Variants in CDH8 observed in about 807,000 individuals in gnomAD.
The protein encoded by CDH8 is cadherin-8.
CDH8 carries 17 observed loss-of-function variants against 68.1 expected under a neutral mutation model. That is an observed-to-expected ratio of 0.25 (90% CI 0.17 to 0.37). The LOEUF (loss-of-function observed/expected upper bound fraction) is 0.37. Ranked by LOEUF, CDH8 falls within the 10% of genes least tolerant of loss-of-function variation. The pLI is 1.00. For missense variants in CDH8, 763 were observed against 999.3 expected, an observed-to-expected ratio of 0.76 and a Z score of 3.19; for synonymous variants, 372 against 365.1, an observed-to-expected ratio of 1.02 and a Z score of -0.21.
chr16:61,866,283 A>T (rs1597028156), intron 3 of CDH8, among the ~76,000 whole-genome samples: 1 of 152,268 alleles, frequency 6.6e-6, no homozygotes, highest in South Asian at 2.1e-4. Context: ...AATCTATTCA[A>T]TCACACAATG....
intron 8 of CDH8, among the ~76,000 whole-genome samples, chr16:61,770,505 A>G (rs1339823715): frequency 1.3e-5 from 2 of 151,946 alleles, no homozygotes; most frequent in African/African-American, 4.8e-5. Flanking sequence ...CAGTCTCCAG[A>G]TGGACATACA....
chr16:61,911,309 C>A (rs1964158051), intron 2 of CDH8, among the ~76,000 whole-genome samples: 3 of 152,164 alleles, frequency 2.0e-5, no homozygotes, highest in African/African-American at 7.2e-5. Context: ...AAAGCGATTA[C>A]TAACTAAATG....
chr16:61,833,041 A>G (rs763839298), intron 4 of CDH8, among the ~76,000 whole-genome samples: 1 of 151,664 alleles, frequency 6.6e-6, no homozygotes, highest in Non-Finnish European at 1.5e-5. Flanking sequence ...AACTATTACC[A>G]GCCATGTGAT....
At chr16:61,914,438 T>C (rs1283917785) in intron 2 of CDH8, among the ~76,000 whole-genome samples, 1 of 152,198 alleles carries the variant, frequency 6.6e-6, no homozygotes, top group Non-Finnish European at 1.5e-5. Flanking sequence ...TGTAAATATG[T>C]GCTTTACCTG....
At chr16:61,991,315 A>G (rs1218060124) in intron 2 of CDH8, among the ~76,000 whole-genome samples, 1 of 152,166 alleles carries the variant, frequency 6.6e-6, no homozygotes, top group Non-Finnish European at 1.5e-5. Context: ...CTCTGTCTGT[A>G]CTACAGATTT....
At position 61,657,262 on chromosome 16, in the gene CDH8, C is replaced by T. The variant is rs79115690; in HGVS notation, c.1655-1541G>A. On this transcript the variant is annotated intron_variant, in intron 10 of 11. Coordinates refer to ENST00000577390, the MANE Select transcript of CDH8 (RefSeq NM_001796.5). Reference sequence around the variant, plus strand: ...TGGAAAACTACTGTACCATATAGCACTATACTAGGATTTCCAAAAATTGAT... The same window carrying T: ...TGGAAAACTACTGTACCATATAGCATTATACTAGGATTTCCAAAAATTGAT... Among the ~76,000 whole-genome samples, 980 of 152,104 alleles carry T rather than the reference C, an allele frequency of 6.4e-3. 9 individuals carry two copies. Among genetic ancestry groups the T allele is most frequent in the African/African-American group, 0.023 (945 of 41,524 alleles).
In CDH8 at chr16:61,775,430, C is replaced by A. The variant is rs370501516; in HGVS notation, c.1414+13916G>T. On this transcript the variant is annotated intron_variant, in intron 8 of 11. Transcript: ENST00000577390. ...CCTACATACTGAGATTCAGCATCCC[C>A]GTCTGAAGTATATTATTAAAAAGAA... is the stretch of plus-strand genomic sequence containing the variant. Among the ~76,000 whole-genome samples, 26 of 151,874 alleles carry A rather than the reference C, an allele frequency of 1.7e-4. 1 individual carries two copies. Among genetic ancestry groups the A allele is most frequent in the Admixed American group, 1.3e-3 (20 of 15,236 alleles).
chr16:61,978,334 TGCTGAGGGAA>T (rs1965475596), intron 2 of CDH8, among the ~76,000 whole-genome samples: 2 of 152,184 alleles, frequency 1.3e-5, no homozygotes, highest in Non-Finnish European at 2.9e-5. Flanking sequence ...TGACTATGCT[TGCTGAGGGAA>T]GTTACCCATT....
At chr16:61,729,540 A>G (rs1487422623) in intron 8 of CDH8, among the ~76,000 whole-genome samples, 1 of 150,984 alleles carries the variant, frequency 6.6e-6, no homozygotes, top group Non-Finnish European at 1.5e-5. Flanking sequence ...GTCCTATTTC[A>G]CCCAACTGGA....
intron 10 of CDH8, among the ~76,000 whole-genome samples, chr16:61,671,423 C>T (rs1963791905): frequency 6.7e-6 from 1 of 149,318 alleles, no homozygotes; most frequent in Admixed American, 6.7e-5. Context: ...AATTTTCCTG[C>T]ATAATTCCTA....
rs113741379 is a variant in CDH8 at position 61,988,586 on chromosome 16, AAAAC to A, written c.252+32562_252+32565del. Reference sequence around the variant, plus strand: ...AATACCAAAGCAACAGCAACAAACAAAAACAAACAAACAAACAAACAAAAAAAGG... The same window carrying A: ...AATACCAAAGCAACAGCAACAAACAAAAACAAACAAACAAACAAAAAAAGG... On this transcript the variant is annotated intron_variant, in intron 2 of 11. Coordinates refer to ENST00000577390, the MANE Select transcript of CDH8 (RefSeq NM_001796.5). Among the ~76,000 whole-genome samples, 241 of 152,086 alleles carry A rather than the reference AAAAC, an allele frequency of 1.6e-3. 1 individual carries two copies. The highest frequency in any genetic ancestry group is 4.2e-3 in the African/African-American group (173 of 41,396).
In CDH8 at chr16:61,824,556, T is replaced by G. The variant is rs1962287710; in HGVS notation, c.835+456A>C. ...GGCTTTAGCAGGGAAGAGTGGAGTC[T>G]TACTGATGTCCTCCCAGTTGCAGGA... On this transcript the variant is annotated intron_variant, in intron 5 of 11. Transcript: ENST00000577390. Among the ~76,000 whole-genome samples, 4 of 151,850 alleles carry G rather than the reference T, an allele frequency of 2.6e-5. No individual in the cohort carries two copies. In the South Asian group the frequency reaches 8.3e-4, roughly 31 times the overall value.
intron 2 of CDH8, among the ~76,000 whole-genome samples, chr16:61,926,416 G>A (rs1964457962): frequency 6.6e-6 from 1 of 152,222 alleles, no homozygotes; most frequent in South Asian, 2.1e-4. Flanking sequence ...TTTGTAGACA[G>A]TTTTTCTTCC....
chr16:61,781,436 A>C (rs1361579507), intron 8 of CDH8, among the ~76,000 whole-genome samples: 3 of 152,072 alleles, frequency 2.0e-5, no homozygotes, highest in Admixed American at 2.0e-4. Flanking sequence ...CTAAAAAAAA[A>C]ACCAAAACCA....
intron 3 of CDH8, among the ~76,000 whole-genome samples, chr16:61,898,926 C>T (rs986782839): frequency 1.3e-5 from 2 of 151,518 alleles, no homozygotes; most frequent in Non-Finnish European, 2.9e-5. Flanking sequence ...TTTTTTCTAC[C>T]CAAAAGTGAC....
intron 8 of CDH8, among the ~76,000 whole-genome samples, chr16:61,771,490 A>C (rs999761252): frequency 5.9e-5 from 9 of 151,626 alleles, no homozygotes; most frequent in Non-Finnish European, 7.4e-5. Flanking sequence ...AAAAAAAAAA[A>C]AAACTTTTTT....
chr16:61,874,124 C>T (rs1398155201), intron 3 of CDH8, among the ~76,000 whole-genome samples: 2 of 151,966 alleles, frequency 1.3e-5, no homozygotes, highest in East Asian at 1.9e-4. Flanking sequence ...CAACTGCTGG[C>T]TAATATGAGA....
intron 5 of CDH8, among the ~76,000 whole-genome samples, chr16:61,823,265 C>G (rs1214924114): frequency 1.3e-5 from 2 of 151,778 alleles, no homozygotes; most frequent in Non-Finnish European, 2.9e-5. Context: ...AAGCTCCATA[C>G]ACATTTCTCT....
intron 7 of CDH8, among the ~76,000 whole-genome samples, chr16:61,793,457 A>G (rs768273504): frequency 6.6e-6 from 1 of 151,776 alleles, no homozygotes; most frequent in Non-Finnish European, 1.5e-5. Flanking sequence ...TTATGTGTCC[A>G]TATGTCTCAT....
Sources: allele counts gnomAD v4.1 joint callset (sites outside exome capture counted in the v4.1 genomes callset), GRCh38; gene constraint gnomAD v4.1.1; transcripts MANE v1.5; gene names NCBI Gene and HGNC (gene_info 2026-07-23, HGNC 2026-07-21).